POLG: variants seen among roughly 807,000 people sequenced by gnomAD.
POLG encodes DNA polymerase subunit gamma-1.
Under a neutral mutation model 155.4 loss-of-function variants are expected in POLG, and 110 were observed. The ratio of observed to expected loss-of-function variants is 0.71; its 90% CI spans 0.61 to 0.83. The LOEUF is 0.83. Ranked by LOEUF, POLG falls within the 40% of genes least tolerant of loss-of-function variation. POLG has a pLI of 0.00. For synonymous variants in POLG, 701 were observed against 631.5 expected (o/e 1.11, Z -1.65); for missense variants, 1,685 against 1,627.5 (o/e 1.04, Z -0.61).
intron 10 of POLG, 118 bp downstream of exon 10, chr15:89,325,332 T>A: frequency 1.4e-6 from 1 of 712,698 alleles, no homozygotes; most frequent in Non-Finnish European, 2.5e-6. Context: ...TTTTCCTGTT[T>A]TCCCTTCTTC....
rs753739487 is a variant in POLG at position 89,333,473 on chromosome 15, C to T, written c.282G>A (p.Met94Ile). 4 of 1,612,112 alleles carry T rather than the reference C, an allele frequency of 2.5e-6. No individual in the cohort carries two copies. The highest frequency in any genetic ancestry group is 1.7e-5 in the Admixed American group (1 of 60,000). Residue 94 changes from methionine (M) to isoleucine (I), a missense_variant, in exon 2 of 23, where the codon ATG becomes ATA. By Grantham distance (10) the Met-to-Ile change is conservative. Transcript: ENST00000268124. Reference sequence around the variant, plus strand: ...TGCGGCGCACCGCGGCCTCGCCAGGCATCTCCCCTCCTTGCCCGAAGATTT... The same window carrying T: ...TGCGGCGCACCGCGGCCTCGCCAGGTATCTCCCCTCCTTGCCCGAAGATTT... The part of the protein sequence containing the change: ...HEQIFGQGGE[M>I]PGEAAVRRSV...
Position 89,325,099 on chromosome 15 carries a change from AGAGAGTGAGAGAGAGTGAGT to A in POLG, c.1949+331_1949+350del, listed in dbSNP as rs1567189292. On this transcript the variant is annotated intron_variant, in intron 10 of 22. Coordinates refer to ENST00000268124, the MANE Select transcript of POLG (RefSeq NM_002693.3). ...GAGTGAGTGAGAGAGTGAGTGAGTG[AGAGAGTGAGAGAGAGTGAGT>A]GAGTGAGTGAGAGAGTGAGTGAGAG... Among the ~76,000 whole-genome samples the A allele has an allele frequency of 2.0e-4, 16 of 80,384 alleles. 3 individuals carry two copies. The highest frequency in any genetic ancestry group is 1.3e-3 in the African/African-American group (14 of 10,840). The allele number at this position is 80,384 out of a possible 152,430, so 52.7% of individuals were successfully genotyped here.
chr15:89,322,607 G>A (rs1431519784), intron 14 of POLG, 135 bp downstream of exon 14: 5 of 901,496 alleles, frequency 5.5e-6, no homozygotes, highest in Middle Eastern at 3.3e-4. Flanking sequence ...AAGGTCCATG[G>A]CACCAGGACC....
chr15:89,317,788 TTTA>T, intron 21 of POLG: 1 of 527,784 alleles, frequency 1.9e-6, no homozygotes, highest in Admixed American at 3.2e-5. Flanking sequence ...TTTGGTACAC[TTTA>T]TTAATTAATA....
rs1332921412 is a variant in POLG, at chr15:89,319,044, CTG to C, written c.3158_3159del (p.Thr1053ArgfsTer7). 2 of 1,614,062 alleles carry C rather than the reference CTG, an allele frequency of 1.2e-6. No individual in the cohort carries two copies. The highest frequency in any genetic ancestry group is 1.1e-5 in the South Asian group (1 of 91,086). On this transcript the variant is annotated frameshift_variant, in exon 20 of 23. Coordinates refer to ENST00000268124, the MANE Select transcript of POLG (RefSeq NM_002693.3). LOFTEE classifies it high-confidence loss of function. ...TCAAGCTTATTGAACATTTCTGACTCTGTGCCCCCCTTCCATGCCCGTTCAGC... is the reference window on the plus strand; with the variant it reads ...TCAAGCTTATTGAACATTTCTGACTCTGCCCCCCTTCCATGCCCGTTCAGC... ...VVAERAWKGG[T>X]ESEMFNKLES...
chr15:89,324,183 T>C lies in POLG; in HGVS notation c.1994A>G (p.Lys665Arg). Residue 665 changes from lysine (K) to arginine (R), a missense_variant, in exon 11 of 23, where the codon AAG becomes AGG. Lys to Arg is a conservative substitution (Grantham distance 26). Around this residue, in one of 3 missense-constraint regions of POLG, gnomAD observed 1,210 missense variants for 1,167.1 expected, o/e 1.04. Coordinates refer to ENST00000268124, the MANE Select transcript of POLG (RefSeq NM_002693.3). ...GGCCTCCTGGGGCATCAGCTGCTGC[T>C]TCCCCTGTTCGAGACAGTGCTTCCT... ...LYRKHCLEQG[K>R]QQLMPQEAGL... is the part of the protein sequence containing the mutation. 6.2e-7 allele frequency: 1 copy of C among 1,613,760 alleles called. No individual in the cohort carries two copies. The highest frequency in any genetic ancestry group is 1.1e-5 in the South Asian group (1 of 91,086).
At chr15:89,330,036 G>A in intron 3 of POLG, 45 bp downstream of exon 3, 1 of 1,508,466 alleles carries the variant, frequency 6.6e-7, no homozygotes, top group Non-Finnish European at 9.2e-7. Flanking sequence ...TAGGGCTCCT[G>A]GCCCATCCCA....
rs766919082 is a variant in POLG, at chr15:89,317,421, G to A, written c.3598C>T (p.Pro1200Ser). The A allele has an allele frequency of 2.5e-6, 4 of 1,614,066 alleles. No homozygotes were observed. The highest frequency in any genetic ancestry group is 3.4e-6 in the Non-Finnish European group (4 of 1,179,994). Reference protein sequence around the residue: ...RKEVTMDCKTPSNPTGMERRY... With the variant: ...RKEVTMDCKTSSNPTGMERRY... ...CTTTCCATCCCAGTTGGGTTGGAAG[G>A]GGTTTTACAATCCATGGTCACTTCC... The change falls in exon 22 of 23, where the codon CCT becomes TCT. Residue 1200 changes from proline (P) to serine (S), a missense_variant. Around this residue, in one of 3 missense-constraint regions of POLG, gnomAD observed 470 missense variants for 439.9 expected, o/e 1.07. Transcript: ENST00000268124.
In POLG at chr15:89,333,271, G is replaced by A. The variant is rs375445567; in HGVS notation, c.484C>T (p.Leu162=). The change falls in exon 2 of 23, where the codon CTG becomes TTG. Residue 162 remains leucine, a synonymous_variant. Transcript: ENST00000268124. ...EAANLLLQAQ[L]PPKPPAWAWA... ...GCCCAAGCCGGGGGCTTCGGGGGCAGCTGGGCCTGCAACAGCAAGTTGGCC... is the reference window on the plus strand; with the variant it reads ...GCCCAAGCCGGGGGCTTCGGGGGCAACTGGGCCTGCAACAGCAAGTTGGCC... 1.2e-5 allele frequency: 19 copies of A among 1,560,246 alleles called. No individual in the cohort carries two copies. The highest frequency in any genetic ancestry group is 1.4e-5 in the Non-Finnish European group (16 of 1,151,752).
Position 89,322,820 on chromosome 15 carries a change from G to A in POLG, c.2348C>T (p.Pro783Leu), listed in dbSNP as rs1355139747. 1.2e-6 allele frequency: 2 copies of A among 1,614,106 alleles called. No homozygotes were observed. The highest frequency in any genetic ancestry group is 1.7e-6 in the Non-Finnish European group (2 of 1,179,990). The part of the protein sequence containing the change: ...KMEDGTLQAG[P>L]GGASGPRALE... ...AGCACGGGGCCCACTGGCACCTCCT[G>A]GGCCAGCCTGCAGGGTGCCATCCTC... is the stretch of plus-strand genomic sequence containing the variant. The change falls in exon 14 of 23, where the codon CCA (proline) becomes CTA (leucine). Residue 783 changes from proline (P) to leucine (L), a missense_variant. By Grantham distance (98) the Pro-to-Leu change is moderately conservative. Transcript: ENST00000268124.
At position 89,322,966 on chromosome 15, in the gene POLG, G is replaced by A. The variant is rs41558614; in HGVS notation, c.2266-64C>T. On this transcript the variant is annotated intron_variant, in intron 13 of 22. Coordinates refer to ENST00000268124, the MANE Select transcript of POLG (RefSeq NM_002693.3). ...GCAGACCCCTGGGTGGGGAACCAACGTGAGTACCTGCACTCCTCCCAACAC... is the reference window on the plus strand; with the variant it reads ...GCAGACCCCTGGGTGGGGAACCAACATGAGTACCTGCACTCCTCCCAACAC... The A allele has an allele frequency of 3.3e-3, 4,969 of 1,500,414 alleles. 18 individuals carry two copies. The highest frequency in any genetic ancestry group is 4.2e-3 in the Non-Finnish European group (4,565 of 1,088,094). The allele number at this position is 1,500,414 out of a possible 1,614,324, so 92.9% of individuals were successfully genotyped here.
At chr15:89,323,560 C>T in intron 12 of POLG, 49 bp from the exon 13 acceptor site, 1 of 1,204,386 alleles carries the variant, frequency 8.3e-7, no homozygotes, top group Non-Finnish European at 1.2e-6. Flanking sequence ...CACCTGCATT[C>T]AGCAAGGGCC....
At chr15:89,331,833 C>A (rs2055598017) in intron 2 of POLG, among the ~76,000 whole-genome samples, 1 of 147,550 alleles carries the variant, frequency 6.8e-6, no homozygotes, top group Non-Finnish European at 1.5e-5. Flanking sequence ...CAGGCCTTAA[C>A]AGTGACTTCT....
In POLG at chr15:89,316,471, G is replaced by C. The variant is rs904072621; in HGVS notation, c.*280C>G. ...AAAGGAAAAAATAAATGAAATGCCT[G>C]AGTTAATGTGAACTTTGGGGCTTCT... On this transcript the variant is annotated 3_prime_UTR_variant, in exon 23 of 23. Transcript: ENST00000268124. 2.0e-5 allele frequency: 32 copies of C among 1,603,782 alleles called. No homozygotes were observed. Among genetic ancestry groups the C allele is most frequent in the Non-Finnish European group, 2.6e-5 (31 of 1,174,336 alleles).
chr15:89,321,344 T>C, intron 16 of POLG, 84 bp from the exon 17 acceptor site: 2 of 1,496,626 alleles, frequency 1.3e-6, no homozygotes, highest in African/African-American at 1.4e-5. Context: ...GCTAGAGCCT[T>C]TCCTGAGGGG....
Position 89,326,941 on chromosome 15 carries a change from C to T in POLG, c.1556G>A (p.Gly519Glu), listed in dbSNP as rs1567191104. ...CTGATCCATGGGATCACCAGGGGCCCCAGCCCCCTCGATGGGCAACTTGCT... is the reference window on the plus strand; with the variant it reads ...CTGATCCATGGGATCACCAGGGGCCTCAGCCCCCTCGATGGGCAACTTGCT... ...TASKLPIEGA[G>E]APGDPMDQED... Residue 519 changes from glycine to glutamate, a missense_variant, in exon 8 of 23, where the codon GGG (glycine) becomes GAG (glutamate). Coordinates refer to ENST00000268124, the MANE Select transcript of POLG (RefSeq NM_002693.3). 1.9e-6 allele frequency: 3 copies of T among 1,614,202 alleles called. No homozygotes were observed.
At chr15:89,318,782 G>A in intron 20 of POLG, 33 bp from the exon 21 acceptor site, 3 of 1,588,670 alleles carry the variant, frequency 1.9e-6, no homozygotes, top group Non-Finnish European at 2.6e-6. Flanking sequence ...GGTGAAAGGG[G>A]CTATGCTACA....
intron 21 of POLG, chr15:89,317,850 T>A: frequency 2.5e-6 from 1 of 406,136 alleles, no homozygotes; most frequent in Non-Finnish European, 4.6e-6. Flanking sequence ...AAATGAGGAC[T>A]TTTAGCTTTG....
chr15:89,326,550 C>T, intron 9 of POLG, 62 bp downstream of exon 9: 1 of 1,589,430 alleles, frequency 6.3e-7, no homozygotes. Flanking sequence ...CAGACCAGGG[C>T]TGTCCTGAGA....
Sources: gnomAD v4.1 joint callset for allele counts (sites outside exome capture counted in the v4.1 genomes callset) on GRCh38, gnomAD v4.1.1 for gene constraint, gnomAD v4.1.1 regional missense constraint, MANE v1.5 for transcripts, NCBI Gene and HGNC (gene_info 2026-07-23, HGNC 2026-07-21) for gene names.